PDE4D: variants seen among roughly 807,000 people sequenced by gnomAD.
PDE4D encodes the protein phosphodiesterase 4D, also known as 3',5'-cyclic-AMP phosphodiesterase 4D.
Under a neutral mutation model 87.4 loss-of-function variants are expected in PDE4D, and 24 were observed. That is an observed-to-expected ratio of 0.27 (90% CI 0.20 to 0.39). The LOEUF is 0.39. Ranked by LOEUF, PDE4D falls within the 10% of genes least tolerant of loss-of-function variation. The pLI, the probability that PDE4D is intolerant of heterozygous loss-of-function variation, is 1.00. For synonymous variants in PDE4D, 384 were observed against 383.2 expected, an observed-to-expected ratio of 1.00 and a Z score of -0.02; for missense variants, 714 against 1,041.0, an observed-to-expected ratio of 0.69 and a Z score of 4.32.
rs574789805 is a variant in PDE4D, at chr5:59,484,600, A to G, written c.456-268632T>C. On this transcript the variant is annotated intron_variant, in intron 1 of 14. Coordinates refer to ENST00000340635, the MANE Select transcript of PDE4D (RefSeq NM_001104631.2). ...CAATGATGTCCGTTCCCCTTCTTTCATCCCACCCTGAGTCAATGGCAGCAG... is the reference window on the plus strand; with the variant it reads ...CAATGATGTCCGTTCCCCTTCTTTCGTCCCACCCTGAGTCAATGGCAGCAG... 1.3e-4 allele frequency among the ~76,000 whole-genome samples: 20 copies of G among 152,288 alleles called. No individual in the cohort carries two copies. The South Asian group carries it at 3.9e-3, about 30-fold the overall frequency.
At chr5:59,773,991 G>C (rs943625770) in intron 1 of PDE4D, among the ~76,000 whole-genome samples, 5 of 152,108 alleles carry the variant, frequency 3.3e-5, no homozygotes, top group African/African-American at 1.2e-4. Context: ...AATTTATCTA[G>C]ACAGAGAATA....
chr5:59,052,020 T>C (rs1761630332), intron 5 of PDE4D, among the ~76,000 whole-genome samples: 1 of 152,156 alleles, frequency 6.6e-6, no homozygotes, highest in Non-Finnish European at 1.5e-5. Context: ...CTCTCTGATG[T>C]GATAGTTGCT....
intron 1 of PDE4D, among the ~76,000 whole-genome samples, chr5:59,242,133 G>A (rs1014716924): frequency 6.6e-6 from 1 of 152,134 alleles, no homozygotes; most frequent in Non-Finnish European, 1.5e-5. Flanking sequence ...GCCCACACAT[G>A]TAGTCCCAGC....
chr5:59,582,364 T>C (rs767562347), intron 1 of PDE4D, among the ~76,000 whole-genome samples: 1 of 152,174 alleles, frequency 6.6e-6, no homozygotes, highest in Non-Finnish European at 1.5e-5. Flanking sequence ...CACTTCTGGA[T>C]TGAGTTTCTG....
chr5:60,414,025 G>A (rs534611334), intron 1 of PDE4D, among the ~76,000 whole-genome samples: 5 of 152,132 alleles, frequency 3.3e-5, no homozygotes, highest in African/African-American at 1.2e-4. Context: ...CAAGTTTCTC[G>A]ACAGATACAA....
chr5:60,325,402 C>T (rs747294744), intron 1 of PDE4D, among the ~76,000 whole-genome samples: 1 of 152,078 alleles, frequency 6.6e-6, no homozygotes, highest in Non-Finnish European at 1.5e-5. Context: ...TCTAATGGTC[C>T]CCTGAAAGTC....
At chr5:59,567,284 GT>G (rs1246668366) in intron 1 of PDE4D, among the ~76,000 whole-genome samples, 2 of 152,154 alleles carry the variant, frequency 1.3e-5, no homozygotes, top group Non-Finnish European at 2.9e-5. Context: ...CCAATGTCCA[GT>G]TGCTAAAGGT....
intron 1 of PDE4D, among the ~76,000 whole-genome samples, chr5:60,421,859 G>A (rs1237904949): frequency 6.6e-6 from 1 of 152,212 alleles, no homozygotes; most frequent in African/African-American, 2.4e-5. Flanking sequence ...ATGACCTGAT[G>A]GAGCTGAAAA....
At chr5:59,332,795 G>C (rs1295589134) in intron 1 of PDE4D, among the ~76,000 whole-genome samples, 1 of 152,114 alleles carries the variant, frequency 6.6e-6, no homozygotes, top group African/African-American at 2.4e-5. Flanking sequence ...TTATAAGTGG[G>C]GTAGATACAA....
intron 1 of PDE4D, among the ~76,000 whole-genome samples, chr5:59,494,001 G>A (rs1164048568): frequency 1.3e-5 from 2 of 152,164 alleles, no homozygotes; most frequent in Non-Finnish European, 2.9e-5. Flanking sequence ...ATAAATGCAT[G>A]ATAATAAGAT....
At chr5:59,889,050 A>C (rs1446550590) in intron 1 of PDE4D, among the ~76,000 whole-genome samples, 1 of 151,600 alleles carries the variant, frequency 6.6e-6, no homozygotes, top group African/African-American at 2.4e-5. Context: ...AACATGGTGA[A>C]GCTCCATCTC....
intron 5 of PDE4D, among the ~76,000 whole-genome samples, chr5:59,122,141 C>CAAAAAAAAAAA (rs56284898): frequency 2.8e-5 from 2 of 71,592 alleles, no homozygotes; most frequent in African/African-American, 1.2e-4. Flanking sequence ...GACTCTATCT[C>CAAAAAAAAAAA]AAAAAAAAAA....
At chr5:59,719,147 G>T (rs1016019993) in intron 1 of PDE4D, among the ~76,000 whole-genome samples, 8 of 152,084 alleles carry the variant, frequency 5.3e-5, no homozygotes, top group Non-Finnish European at 8.8e-5. Flanking sequence ...CAAAACAATG[G>T]GACTATTCTA....
chr5:59,325,653 G>C (rs1449851140), intron 1 of PDE4D, among the ~76,000 whole-genome samples: 2 of 152,122 alleles, frequency 1.3e-5, no homozygotes, highest in Non-Finnish European at 2.9e-5. Context: ...TATACTTATA[G>C]TTACTTGTAA....
chr5:59,925,985 T>G lies in PDE4D; in HGVS notation c.272+62503A>C, dbSNP rs112866333. ...TAGACAGGAGTTCAACAAAGAAACA[T>G]CGGACTTGATCAGCATGATAGACCA... On this transcript the variant is annotated intron_variant, in intron 3 of 16. Coordinates refer to the PDE4D transcript ENST00000502484. Among the ~76,000 whole-genome samples the G allele has an allele frequency of 2.0e-5, 3 of 152,228 alleles. 1 individual carries two copies. Among genetic ancestry groups the G allele is most frequent in the African/African-American group, 7.2e-5 (3 of 41,556 alleles).
At chr5:60,210,910 G>C (rs972210081) in intron 1 of PDE4D, among the ~76,000 whole-genome samples, 1 of 152,204 alleles carries the variant, frequency 6.6e-6, no homozygotes, top group Non-Finnish European at 1.5e-5. Context: ...AATGGTGGAT[G>C]CTCTTTTATG....
At chr5:59,466,239 G>A (rs1801565909) in intron 1 of PDE4D, among the ~76,000 whole-genome samples, 1 of 152,146 alleles carries the variant, frequency 6.6e-6, no homozygotes, top group African/African-American at 2.4e-5. Flanking sequence ...TAAGAATTAA[G>A]TATGACTTCA....
intron 1 of PDE4D, among the ~76,000 whole-genome samples, chr5:59,324,050 T>C (rs574755828): frequency 1.5e-4 from 23 of 152,098 alleles, no homozygotes; most frequent in Non-Finnish European, 2.9e-4. Flanking sequence ...GTCTACCTGA[T>C]ACCCTCTCTC....
chr5:59,158,948 G>A (rs189370189), intron 5 of PDE4D, among the ~76,000 whole-genome samples: 2 of 152,280 alleles, frequency 1.3e-5, no homozygotes, highest in Admixed American at 1.3e-4. Context: ...TGGGATACTG[G>A]AAGCAATCCT....
Sources: gnomAD v4.1 joint callset for allele counts (sites outside exome capture counted in the v4.1 genomes callset) on GRCh38, gnomAD v4.1.1 for gene constraint, MANE v1.5 for transcripts, NCBI Gene and HGNC (gene_info 2026-07-23, HGNC 2026-07-21) for gene names.